The following BMPER variants were observed in gnomAD, a reference collection of about 807,000 sequenced individuals.
BMPER encodes the protein BMP binding endothelial regulator.
Under a neutral mutation model 87.3 loss-of-function variants are expected in BMPER, and 45 were observed. The observed-to-expected ratio is 0.52, with a 90% CI of 0.41 to 0.66. The LOEUF is 0.66. Ranked by LOEUF, BMPER falls within the 30% of genes least tolerant of loss-of-function variation. The pLI, the probability that BMPER is intolerant of heterozygous loss-of-function variation, is 0.00. For synonymous variants in BMPER, 326 were observed against 316.2 expected (o/e 1.03, Z -0.33); for missense variants, 784 against 867.5 (o/e 0.90, Z 1.21).
chr7:33,971,636 A>G (rs1785549825), intron 5 of BMPER, among the ~76,000 whole-genome samples: 2 of 152,144 alleles, frequency 1.3e-5, no homozygotes, highest in Non-Finnish European at 2.9e-5. Context: ...TCTTTATTCA[A>G]TGAGATCAGT....
At chr7:33,922,270 A>G (rs1374518428) in intron 2 of BMPER, among the ~76,000 whole-genome samples, 2 of 152,114 alleles carry the variant, frequency 1.3e-5, no homozygotes, top group East Asian at 1.9e-4. Context: ...ATTTTTTACC[A>G]TGTTATTTTC....
chr7:34,035,049 A>C (rs12670628), intron 6 of BMPER, among the ~76,000 whole-genome samples: 55,286 of 151,968 alleles, frequency 0.36, 11,001 homozygotes, highest in African/African-American at 0.54. Flanking sequence ...AGATTAGGAT[A>C]GTCCCAAGAG....
At chr7:34,045,076 GAT>G (rs1787925360) in intron 6 of BMPER, among the ~76,000 whole-genome samples, 2 of 152,088 alleles carry the variant, frequency 1.3e-5, no homozygotes, top group African/African-American at 4.8e-5. Flanking sequence ...GGCCTCTTGA[GAT>G]ATAAATTATG....
Position 33,988,705 on chromosome 7 carries a change from G to A in BMPER, c.576+13921G>A, listed in dbSNP as rs939238920. On this transcript the variant is annotated intron_variant, in intron 6 of 14. Coordinates refer to ENST00000649409, the MANE Select transcript of BMPER (RefSeq NM_001365308.1). ...ATGTATACATGTGCCATGCTGGTGC[G>A]CTGTACCCACTAACTCGTCATCTAG... is the stretch of plus-strand genomic sequence containing the variant. 7.9e-5 allele frequency among the ~76,000 whole-genome samples: 12 copies of A among 151,246 alleles called. No homozygotes were observed. The South Asian group carries it at 1.9e-3, about 24-fold the overall frequency.
At chr7:33,956,247 T>C (rs1206661144) in intron 3 of BMPER, among the ~76,000 whole-genome samples, 1 of 152,200 alleles carries the variant, frequency 6.6e-6, no homozygotes, top group African/African-American at 2.4e-5. Context: ...CTCATCAATA[T>C]AACAATCATT....
At chr7:34,079,807 C>G (rs886073225) in intron 12 of BMPER, among the ~76,000 whole-genome samples, 2 of 152,154 alleles carry the variant, frequency 1.3e-5, no homozygotes, top group African/African-American at 4.8e-5. Context: ...TTCTCAGCAG[C>G]GCATGGTGCT....
intron 13 of BMPER, among the ~76,000 whole-genome samples, chr7:34,119,325 A>AT (rs999781673): frequency 6.6e-6 from 1 of 151,820 alleles, no homozygotes; most frequent in African/African-American, 2.4e-5. Context: ...AAACACCAAC[A>AT]TTTTTTTTAC....
At chr7:34,028,800 T>C (rs1389334722) in intron 6 of BMPER, among the ~76,000 whole-genome samples, 1 of 151,688 alleles carries the variant, frequency 6.6e-6, no homozygotes, top group African/African-American at 2.4e-5. Context: ...GGAGCCTGTG[T>C]AGAGTAAACA....
intron 6 of BMPER, among the ~76,000 whole-genome samples, chr7:34,028,599 C>G (rs994802392): frequency 8.5e-5 from 1 of 11,730 alleles, no homozygotes; most frequent in Non-Finnish European, 2.0e-4. Flanking sequence ...ATCATTTTTT[C>G]TGTTTTTTTT....
At chr7:33,942,543 C>T (rs1198400131) in intron 3 of BMPER, among the ~76,000 whole-genome samples, 1 of 152,166 alleles carries the variant, frequency 6.6e-6, no homozygotes, top group African/African-American at 2.4e-5. Context: ...ATTTTTAAGT[C>T]TCCACTGAGA....
chr7:34,010,407 T>C (rs979037313), intron 6 of BMPER, among the ~76,000 whole-genome samples: 1 of 151,874 alleles, frequency 6.6e-6, no homozygotes, highest in African/African-American at 2.4e-5. Flanking sequence ...AAATTACTTG[T>C]TGTATGAGAT....
intron 6 of BMPER, among the ~76,000 whole-genome samples, chr7:33,983,225 C>A (rs1393755758): frequency 2.6e-5 from 4 of 152,050 alleles, no homozygotes; most frequent in African/African-American, 7.2e-5. Context: ...AAATTTTAAC[C>A]CTCATGTATG....
intron 3 of BMPER, among the ~76,000 whole-genome samples, chr7:33,950,572 T>G (rs1219338053): frequency 2.0e-5 from 3 of 152,160 alleles, no homozygotes; most frequent in Admixed American, 2.0e-4. Flanking sequence ...TCCTGGCAGC[T>G]GCAGAGTGGC....
At chr7:34,129,629 AG>A (rs1790514492) in intron 13 of BMPER, among the ~76,000 whole-genome samples, 1 of 144,458 alleles carries the variant, frequency 6.9e-6, no homozygotes, top group South Asian at 2.3e-4. Flanking sequence ...AGAGAGAAAG[AG>A]AGAAAGAAAG....
chr7:34,093,489 C>T (rs1789446441), intron 13 of BMPER, among the ~76,000 whole-genome samples: 1 of 152,180 alleles, frequency 6.6e-6, no homozygotes, highest in Non-Finnish European at 1.5e-5. Context: ...TGACCAAATG[C>T]CTCAGGCAAA....
intron 6 of BMPER, among the ~76,000 whole-genome samples, chr7:34,044,569 A>T (rs1252283313): frequency 1.3e-5 from 2 of 152,152 alleles, no homozygotes; most frequent in Non-Finnish European, 2.9e-5. Context: ...GCCACGATTC[A>T]GGTTACATGC....
chr7:33,997,164 C>T (rs76612639), intron 6 of BMPER, among the ~76,000 whole-genome samples: 2,293 of 152,276 alleles, frequency 0.015, 67 homozygotes, highest in African/African-American at 0.053. Flanking sequence ...AAGTTAATTA[C>T]CCACCAGAGT....
At chr7:34,125,124 G>A (rs919888708) in intron 13 of BMPER, among the ~76,000 whole-genome samples, 1 of 152,006 alleles carries the variant, frequency 6.6e-6, no homozygotes. Context: ...TAGTTCTCTT[G>A]TCTATGCTCT....
At chr7:34,013,035 C>T (rs970898204) in intron 6 of BMPER, among the ~76,000 whole-genome samples, 2 of 151,814 alleles carry the variant, frequency 1.3e-5, no homozygotes, top group Non-Finnish European at 2.9e-5. Context: ...AACCCTGGCT[C>T]AACAACAGGC....
Sources: gnomAD v4.1 joint callset for allele counts (sites outside exome capture counted in the v4.1 genomes callset) on GRCh38, gnomAD v4.1.1 for gene constraint, MANE v1.5 for transcripts, NCBI Gene and HGNC (gene_info 2026-07-23, HGNC 2026-07-21) for gene names.